The following ITPR2 variants were observed in gnomAD, a reference collection of about 807,000 sequenced individuals.
ITPR2 encodes the protein inositol 1,4,5-trisphosphate receptor type 2.
In ITPR2, 207 loss-of-function variants were observed where a neutral mutation model predicts 317.1. The observed-to-expected ratio is 0.65, with a 90% CI of 0.58 to 0.73. ITPR2 has a LOEUF of 0.73. Ranked by LOEUF, ITPR2 falls within the 30% of genes least tolerant of loss-of-function variation. The probability of loss-of-function intolerance (pLI) is 0.00; values close to 1 mark genes in which losing one functional copy is unlikely to be tolerated. For synonymous variants in ITPR2, 1,156 were observed against 1,149.1 expected (o/e 1.01, Z -0.12); for missense variants, 2,613 against 3,284.0 (o/e 0.80, Z 4.99).
chr12:26,637,449 A>G (rs533911290), intron 21 of ITPR2, among the ~76,000 whole-genome samples: 1 of 152,328 alleles, frequency 6.6e-6, no homozygotes, highest in African/African-American at 2.4e-5. Flanking sequence ...ACAATTTTTA[A>G]CGAGGTTTTG....
At chr12:26,599,889 G>T (rs192835452) in intron 29 of ITPR2, 98 bp downstream of exon 29, 314 of 822,460 alleles carry the variant, frequency 3.8e-4, no homozygotes, top group Non-Finnish European at 5.3e-4. Context: ...AAAAAAAAAT[G>T]AAGCAAGGAA....
chr12:26,526,089 G>C (rs1943803108), intron 37 of ITPR2, among the ~76,000 whole-genome samples: 1 of 152,116 alleles, frequency 6.6e-6, no homozygotes, highest in Admixed American at 6.5e-5. Context: ...GCTTATATCA[G>C]CTGCACTATT....
chr12:26,688,999 C>G (rs933726399), intron 10 of ITPR2, among the ~76,000 whole-genome samples: 19 of 152,058 alleles, frequency 1.2e-4, no homozygotes, highest in Non-Finnish European at 2.6e-4. Context: ...GTATTTTTAT[C>G]ACAAAAATAA....
intron 49 of ITPR2, 48 bp from the exon 50 acceptor site, chr12:26,419,261 C>T (rs1940816542): frequency 6.5e-7 from 1 of 1,543,496 alleles, no homozygotes; most frequent in Non-Finnish European, 8.9e-7. Context: ...TATCCTGAAA[C>T]CCACATGGAT....
In ITPR2 at chr12:26,441,907, A is replaced by T. The variant is rs1343000217; in HGVS notation, c.6450+1636T>A. Among the ~76,000 whole-genome samples, 5 of 152,194 alleles carry T rather than the reference A, an allele frequency of 3.3e-5. No individual in the cohort carries two copies. In the South Asian group the frequency reaches 1.0e-3, roughly 32 times the overall value. The stretch of plus-strand genomic sequence containing the variant: ...CAAAGCCCTGTCAGTATGTATATGT[A>T]TATGTGTGTATTTATAATATATATA... On this transcript the variant is annotated intron_variant, in intron 46 of 56. Transcript: ENST00000381340.
At chr12:26,655,917 A>G (rs1387098280) in intron 19 of ITPR2, 65 bp from the exon 20 acceptor site, 36 of 1,468,548 alleles carry the variant, frequency 2.5e-5, no homozygotes, top group Non-Finnish European at 3.2e-5. Flanking sequence ...ATAGGAAAAC[A>G]CACGTAGTTT....
At chr12:26,733,551 A>G (rs1012000331) in intron 2 of ITPR2, among the ~76,000 whole-genome samples, 1 of 152,182 alleles carries the variant, frequency 6.6e-6, no homozygotes, top group Admixed American at 6.5e-5. Context: ...AAATGCTAAA[A>G]CATAAATAAA....
chr12:26,731,676 A>C lies in ITPR2; in HGVS notation c.164-5911T>G, dbSNP rs992271277. Among the ~76,000 whole-genome samples, 4 of 152,128 alleles carry C rather than the reference A, an allele frequency of 2.6e-5. No homozygotes were observed. The South Asian group carries it at 6.2e-4, about 24-fold the overall frequency. On this transcript the variant is annotated intron_variant, in intron 2 of 56. Coordinates refer to ENST00000381340, the MANE Select transcript of ITPR2 (RefSeq NM_002223.4). ...AAATCAGCTGGGGGCAGTGGACTAC[A>C]AGTCCGAGCTACTCAGGAGGCTGAG...
chr12:26,650,317 C>G (rs1216429162), intron 21 of ITPR2, among the ~76,000 whole-genome samples: 1 of 152,086 alleles, frequency 6.6e-6, no homozygotes, highest in Non-Finnish European at 1.5e-5. Flanking sequence ...ATGCAGAGCA[C>G]AGAGAATTTT....
At chr12:26,394,981 G>C (rs535985488) in intron 54 of ITPR2, among the ~76,000 whole-genome samples, 1 of 152,304 alleles carries the variant, frequency 6.6e-6, no homozygotes, top group Admixed American at 6.5e-5. Context: ...AGCTAGGCTA[G>C]AGGAGGGAGA....
chr12:26,520,797 CTT>C (rs1943642117), intron 37 of ITPR2, among the ~76,000 whole-genome samples: 1 of 152,058 alleles, frequency 6.6e-6, no homozygotes, highest in African/African-American at 2.4e-5. Flanking sequence ...AAATCTTTCT[CTT>C]TATTTTTTAA....
At chr12:26,810,713 T>C (rs1013359567) in intron 1 of ITPR2, among the ~76,000 whole-genome samples, 2 of 152,268 alleles carry the variant, frequency 1.3e-5, no homozygotes, top group African/African-American at 4.8e-5. Flanking sequence ...ATTCCTTTCA[T>C]GTATGGACAT....
intron 1 of ITPR2, among the ~76,000 whole-genome samples, chr12:26,796,778 C>T (rs564458825): frequency 6.6e-6 from 1 of 152,244 alleles, no homozygotes; most frequent in East Asian, 1.9e-4. Flanking sequence ...ACCTGTAATC[C>T]CAGCACTTTG....
chr12:26,641,134 C>T (rs1946974601), intron 21 of ITPR2, among the ~76,000 whole-genome samples: 1 of 152,014 alleles, frequency 6.6e-6, no homozygotes, highest in Non-Finnish European at 1.5e-5. Flanking sequence ...AAGAGGAATA[C>T]TTAGCTTCAA....
At chr12:26,464,599 C>T (rs1942122230) in intron 45 of ITPR2, among the ~76,000 whole-genome samples, 1 of 152,172 alleles carries the variant, frequency 6.6e-6, no homozygotes, top group Non-Finnish European at 1.5e-5. Flanking sequence ...CACAGCCACT[C>T]ATTTACTTAC....
chr12:26,596,817 C>A, intron 31 of ITPR2, 66 bp downstream of exon 31: 1 of 1,354,186 alleles, frequency 7.4e-7, no homozygotes, highest in Non-Finnish European at 1.0e-6. Flanking sequence ...GGACTTCTGG[C>A]ACCTAGATAA....
intron 1 of ITPR2, among the ~76,000 whole-genome samples, chr12:26,798,954 G>T (rs770738888): frequency 1.3e-5 from 2 of 152,120 alleles, no homozygotes; most frequent in Non-Finnish European, 2.9e-5. Context: ...ACCTTTGTTT[G>T]CCATTTGAAA....
intron 55 of ITPR2, among the ~76,000 whole-genome samples, chr12:26,382,676 CAA>C (rs916461538): frequency 1.3e-5 from 2 of 148,800 alleles, no homozygotes; most frequent in African/African-American, 2.5e-5. Context: ...CACACACACA[CAA>C]AAAAAAAGAA....
chr12:26,655,877 G>A (rs200146944), intron 19 of ITPR2, 25 bp from the exon 20 acceptor site: 51 of 1,592,784 alleles, frequency 3.2e-5, no homozygotes, highest in Middle Eastern at 3.4e-4. Context: ...AGAAGATAAC[G>A]CAAGTTAAAC....
Sources: gnomAD v4.1 joint callset for allele counts (sites outside exome capture counted in the v4.1 genomes callset) on GRCh38, gnomAD v4.1.1 for gene constraint, MANE v1.5 for transcripts, NCBI Gene and HGNC (gene_info 2026-07-23, HGNC 2026-07-21) for gene names.